The following AATK variants were observed in gnomAD, a reference collection of about 807,000 sequenced individuals.
The protein encoded by AATK is serine/threonine-protein kinase LMTK1.
In AATK, 91 loss-of-function variants were observed where a neutral mutation model predicts 114.3. The observed-to-expected ratio is 0.80, with a 90% CI of 0.67 to 0.95. The LOEUF (loss-of-function observed/expected upper bound fraction) is 0.95. Among genes scored for constraint, AATK ranks in the 40% least tolerant of loss-of-function variants. AATK has a pLI of 0.00. For missense variants in AATK, 2,176 were observed against 1,965.2 expected (o/e 1.11, Z -2.03); for synonymous variants, 1,075 against 916.5 (o/e 1.17, Z -3.12).
At chr17:81,144,224 C>T (rs1455806696) in intron 1 of AATK, among the ~76,000 whole-genome samples, 2 of 152,244 alleles carry the variant, frequency 1.3e-5, no homozygotes, top group South Asian at 2.1e-4. Flanking sequence ...CTGGCCCACA[C>T]CTCCCAAAAA....
intron 13 of AATK, among the ~76,000 whole-genome samples, chr17:81,119,141 C>A (rs1416350113): frequency 6.8e-5 from 1 of 14,814 alleles, no homozygotes; most frequent in African/African-American, 2.0e-4. Context: ...AGGTGAGGGC[C>A]AGGTGAGGGT....
intron 4 of AATK, among the ~76,000 whole-genome samples, chr17:81,128,206 C>T (rs2060876518): frequency 6.6e-6 from 1 of 152,144 alleles, no homozygotes; most frequent in African/African-American, 2.4e-5. Context: ...CTCGTTTAGG[C>T]CAAGGTCAGG....
At chr17:81,140,476 C>T (rs932208192) in intron 1 of AATK, among the ~76,000 whole-genome samples, 8 of 152,230 alleles carry the variant, frequency 5.3e-5, no homozygotes, top group Non-Finnish European at 1.5e-5. Flanking sequence ...AAACTTGAGA[C>T]TCTGGGTGCC....
rs1375491572 is a variant in AATK, at chr17:81,122,837, C to A, written c.1113-14G>T. The A allele has an allele frequency of 3.4e-6, 5 of 1,469,530 alleles. No homozygotes were observed. The East Asian group carries it at 8.2e-5, about 24-fold the overall frequency. 91.0% of individuals were successfully genotyped at this position (1,469,530 alleles called of 1,614,324 possible). On this transcript the variant is annotated splice_polypyrimidine_tract_variant and intron_variant, in intron 10 of 13. Coordinates refer to ENST00000326724, the MANE Select transcript of AATK (RefSeq NM_001080395.3). ...ATCACCTCGTACCTGCGAGGAGGTC[C>A]CCCGGGGGCCACGTCAGAGGCAACG...
rs774352831 is a variant in AATK at position 81,122,835 on chromosome 17, TC to T, written c.1113-13del. On this transcript the variant is annotated splice_polypyrimidine_tract_variant and intron_variant, in intron 10 of 13. Transcript: ENST00000326724. ...GCATCACCTCGTACCTGCGAGGAGG[TC>T]CCCCGGGGGCCACGTCAGAGGCAAC... 2.0e-6 allele frequency: 3 copies of T among 1,475,642 alleles called. No homozygotes were observed. The East Asian group carries it at 8.1e-5, about 40-fold the overall frequency. The allele number at this position is 1,475,642 out of a possible 1,614,324, so 91.4% of individuals were successfully genotyped here. A position where few individuals can be genotyped will look rare whatever the true frequency, so the allele number is the denominator to read the frequency against.
chr17:81,125,486 C>A, intron 7 of AATK: 4 of 360,312 alleles, frequency 1.1e-5, no homozygotes, highest in South Asian at 8.4e-5. Flanking sequence ...CCCTGCCATG[C>A]CCACTCAGAG....
chr17:81,152,831 C>A (rs1278894177), intron 1 of AATK, among the ~76,000 whole-genome samples: 2 of 139,198 alleles, frequency 1.4e-5, no homozygotes, highest in Non-Finnish European at 3.1e-5. Context: ...ACCTTCAAAA[C>A]CAGCCCTGCT....
At chr17:81,119,793 C>T (rs1008186792) in intron 12 of AATK, 143 bp downstream of exon 12, 19 of 1,305,796 alleles carry the variant, frequency 1.5e-5, no homozygotes, top group South Asian at 6.5e-5. Flanking sequence ...CCTCCCATGA[C>T]GACACGGGCC....
intron 1 of AATK, among the ~76,000 whole-genome samples, chr17:81,149,537 C>A (rs371670286): frequency 2.0e-5 from 3 of 152,116 alleles, no homozygotes; most frequent in East Asian, 1.9e-4. Context: ...CCAGGAGGAC[C>A]CTGCTCACGC....
intron 1 of AATK, among the ~76,000 whole-genome samples, chr17:81,158,744 GC>G (rs1287534763): frequency 6.6e-6 from 1 of 152,234 alleles, no homozygotes; most frequent in African/African-American, 2.4e-5. Context: ...CCACAGAAAG[GC>G]AGACAAGACC....
intron 6 of AATK, among the ~76,000 whole-genome samples, chr17:81,127,351 G>A (rs1009100842): frequency 2.6e-5 from 4 of 152,050 alleles, no homozygotes; most frequent in African/African-American, 9.7e-5. Flanking sequence ...CTCCCCAGGG[G>A]TGCAGGGAGC....
intron 1 of AATK, among the ~76,000 whole-genome samples, chr17:81,137,776 A>G (rs1430695102): frequency 2.6e-5 from 4 of 151,928 alleles, no homozygotes; most frequent in Non-Finnish European, 5.9e-5. Flanking sequence ...ACGTGTGACC[A>G]TGTGCACACA....
intron 1 of AATK, chr17:81,165,434 G>A (rs555591588): frequency 8.9e-6 from 3 of 338,896 alleles, no homozygotes; most frequent in South Asian, 7.1e-5. Context: ...TGCCCACTGG[G>A]CTCTGTAATG....
chr17:81,121,545 A>G lies in AATK; in HGVS notation c.2391T>C (p.Pro797=), dbSNP rs778235115. The change falls in exon 11 of 14, where the codon CCT becomes CCC. Residue 797 remains proline, a synonymous_variant. Coordinates refer to ENST00000326724, the MANE Select transcript of AATK (RefSeq NM_001080395.3). ...CCTCCTGGGATGGGGAGGGGACGGA[A>G]GGAAGGGGCAGGCGGGGTCCGGTAG... ...EGTTGPRLPL[P]SVPSPSQEGA... 2.6e-6 allele frequency: 4 copies of G among 1,531,898 alleles called. No homozygotes were observed. The highest frequency in any genetic ancestry group is 2.6e-6 in the Non-Finnish European group (3 of 1,138,074). 94.9% of individuals were successfully genotyped at this position (1,531,898 alleles called of 1,614,324 possible). A position where few individuals can be genotyped will look rare whatever the true frequency, so the allele number is the denominator to read the frequency against.
In AATK at chr17:81,120,893, ACTT is replaced by A. The variant is rs749135838; in HGVS notation, c.3040_3042del (p.Lys1014del). The A allele has an allele frequency of 1.3e-4, 199 of 1,589,648 alleles. No individual in the cohort carries two copies. The highest frequency in any genetic ancestry group is 8.3e-4 in the Middle Eastern group (5 of 6,026). On this transcript the variant is annotated inframe_deletion, in exon 11 of 14. Transcript: ENST00000326724. ...GGCCCGGGGGCTCGGTCCCCGCCGC[ACTT>A]CTTCTCTGGGCCTGAGGTGGCCTCG...
chr17:81,132,673 G>A (rs1161757730), intron 2 of AATK: 1 of 320,094 alleles, frequency 3.1e-6, no homozygotes, highest in Non-Finnish European at 6.4e-6. Context: ...CCGGGGGCCA[G>A]CCGGGTCCTG....
At chr17:81,127,954 G>A (rs372504728) in intron 4 of AATK, 44 bp from the exon 5 acceptor site, 93 of 1,544,666 alleles carry the variant, frequency 6.0e-5, no homozygotes, top group African/African-American at 1.4e-4. Context: ...CGCCTCCACC[G>A]GCCCCGGCTT....
At position 81,137,681 on chromosome 17, in the gene AATK, T is replaced by C. The variant is rs148762480; in HGVS notation, c.56-3180A>G. Among the ~76,000 whole-genome samples the C allele has an allele frequency of 3.0e-3, 461 of 152,262 alleles. 4 individuals carry two copies. The highest frequency in any genetic ancestry group is 0.011 in the African/African-American group (441 of 41,520). ...GCACACAAATGCCCACGTATGTGCATGCATGAAAACACATGAAACACACAT... is the reference window on the plus strand; with the variant it reads ...GCACACAAATGCCCACGTATGTGCACGCATGAAAACACATGAAACACACAT... On this transcript the variant is annotated intron_variant, in intron 1 of 13. Coordinates refer to ENST00000326724, the MANE Select transcript of AATK (RefSeq NM_001080395.3).
At chr17:81,138,927 C>T (rs941487353) in intron 1 of AATK, among the ~76,000 whole-genome samples, 1 of 151,502 alleles carries the variant, frequency 6.6e-6, no homozygotes, top group Non-Finnish European at 1.5e-5. Context: ...AGATACCACA[C>T]GTGTAGGCAC....
Sources: gnomAD v4.1 joint callset for allele counts (sites outside exome capture counted in the v4.1 genomes callset) on GRCh38, gnomAD v4.1.1 for gene constraint, MANE v1.5 for transcripts, NCBI Gene and HGNC (gene_info 2026-07-23, HGNC 2026-07-21) for gene names.